The following GPATCH2L variants were observed in gnomAD, a reference collection of about 807,000 sequenced individuals.
The protein encoded by GPATCH2L is G patch domain-containing protein 2-like.
Under a neutral mutation model 57.4 loss-of-function variants are expected in GPATCH2L, and 31 were observed. The observed-to-expected ratio is 0.54, with a 90% confidence interval of 0.41 to 0.73. GPATCH2L has a LOEUF of 0.73. Among genes scored for constraint, GPATCH2L ranks in the 30% least tolerant of loss-of-function variants. GPATCH2L has a pLI of 0.00. For synonymous variants in GPATCH2L, 199 were observed against 210.7 expected, an observed-to-expected ratio of 0.94 and a Z score of 0.48; for missense variants, 481 against 599.9, an observed-to-expected ratio of 0.80 and a Z score of 2.07.
chr14:76,234,700 A>T (rs951346664), intron 2 of GPATCH2L: 1 of 152,532 alleles, frequency 6.6e-6, no homozygotes, highest in East Asian at 1.9e-4. Flanking sequence ...ATCTTTCCTC[A>T]GTTGAGCCTC....
At position 76,230,847 on chromosome 14, in the gene GPATCH2L, C is replaced by A. The variant is rs78983454; in HGVS notation, c.*117+894C>A. ...CACTTGGAGCTTTAATTCCCTCTTA[C>A]CAACATTTGTATTACCCGTTTCATG... On this transcript the variant is annotated intron_variant and NMD_transcript_variant, in intron 2 of 3. Coordinates refer to the GPATCH2L transcript ENST00000556372. 3.9e-3 allele frequency among the ~76,000 whole-genome samples: 594 copies of A among 152,296 alleles called. 2 individuals carry two copies. Among genetic ancestry groups the A allele is most frequent in the Non-Finnish European group, 7.0e-3 (475 of 68,026 alleles).
intron 2 of GPATCH2L, chr14:76,230,501 G>A (rs546633157): frequency 2.8e-4 from 42 of 152,226 alleles, no homozygotes; most frequent in African/African-American, 1.0e-3. Flanking sequence ...ATACCTGCAA[G>A]CCTCTGGGTG....
rs1205091414 is a variant in GPATCH2L at position 76,203,399 on chromosome 14, A to G, written c.*1548A>G. 1 of 152,456 alleles carries G rather than the reference A, an allele frequency of 6.6e-6. No homozygotes were observed. Among genetic ancestry groups the G allele is most frequent in the Non-Finnish European group, 1.5e-5 (1 of 68,138 alleles). The allele number at this position is 152,456 out of a possible 1,614,324, so 9.4% of individuals were successfully genotyped here. On this transcript the variant is annotated 3_prime_UTR_variant, in exon 10 of 10. Coordinates refer to ENST00000261530, the MANE Select transcript of GPATCH2L (RefSeq NM_017926.4). The stretch of plus-strand genomic sequence containing the variant: ...GAAAGTGCTGAAACCAGCCCAGCAG[A>G]CCTGTGAGTCGCCTCTGGTTCTCAC...
intron 8 of GPATCH2L, among the ~76,000 whole-genome samples, chr14:76,182,363 G>GAAA (rs3059799): frequency 0.033 from 2,854 of 85,568 alleles, 232 homozygotes; most frequent in East Asian, 0.19. Context: ...TCTCAGAAAA[G>GAAA]AAAAAAAAAA....
chr14:76,214,216 T>C lies in GPATCH2L; in HGVS notation c.*12365T>C, dbSNP rs8799. Reference sequence around the variant, plus strand: ...AATGTGGTGTCATCCTATCCAAGAATAGGAGATGTATTTCCATTTATTCAA... The same window carrying C: ...AATGTGGTGTCATCCTATCCAAGAACAGGAGATGTATTTCCATTTATTCAA... On this transcript the variant is annotated 3_prime_UTR_variant, in exon 10 of 10. Transcript: ENST00000261530. 25 of 152,208 alleles carry C rather than the reference T, an allele frequency of 1.6e-4. 1 individual carries two copies. The highest frequency in any genetic ancestry group is 3.1e-4 in the Non-Finnish European group (21 of 68,024). The allele number at this position is 152,208 out of a possible 1,614,324, so 9.4% of individuals were successfully genotyped here.
At chr14:76,216,654 A>G (rs1360658559), downstream of GPATCH2L, among the ~76,000 whole-genome samples, 1 of 152,172 alleles carries the variant, frequency 6.6e-6, no homozygotes, top group African/African-American at 2.4e-5. Context: ...CCACAATGCC[A>G]TCAGTTTTTT....
intron 2 of GPATCH2L, among the ~76,000 whole-genome samples, chr14:76,164,463 T>C (rs997715681): frequency 4.6e-5 from 7 of 152,176 alleles, no homozygotes; most frequent in Non-Finnish European, 1.0e-4. Flanking sequence ...GCTGCAAAAT[T>C]GTGTCTAGTT....
intron 1 of GPATCH2L, chr14:76,152,555 C>A: frequency 2.4e-6 from 1 of 423,814 alleles, no homozygotes; most frequent in South Asian, 1.6e-5. Context: ...CCTTCCTGTG[C>A]GTGACTCAGC....
chr14:76,226,617 T>C lies in GPATCH2L; in HGVS notation c.66-3191T>C, dbSNP rs531426426. Among the ~76,000 whole-genome samples the C allele has an allele frequency of 2.0e-5, 3 of 152,332 alleles. 1 individual carries two copies. The South Asian group carries it at 6.2e-4, about 32-fold the overall frequency. On this transcript the variant is annotated intron_variant and NMD_transcript_variant, in intron 1 of 3. Transcript: ENST00000556372. The stretch of plus-strand genomic sequence containing the variant: ...GAGGTGGGACCTAACTGGAGGTGTT[T>C]AGGTCATGAAGGCTTATGAATGAAT...
chr14:76,213,828 C>T lies in GPATCH2L; in HGVS notation c.*11977C>T, dbSNP rs1419505064. 2.0e-5 allele frequency: 3 copies of T among 152,180 alleles called. No homozygotes were observed. The highest frequency in any genetic ancestry group is 4.4e-5 in the Non-Finnish European group (3 of 68,026). 9.4% of individuals were successfully genotyped at this position (152,180 alleles called of 1,614,324 possible). On this transcript the variant is annotated 3_prime_UTR_variant, in exon 10 of 10. Coordinates refer to ENST00000261530, the MANE Select transcript of GPATCH2L (RefSeq NM_017926.4). ...TGAAACTAGGAAATTAACATTGGCA[C>T]AATCCTATTAACTACATACTTTATT...
chr14:76,235,127 C>T (rs1037441001), intron 2 of GPATCH2L, among the ~76,000 whole-genome samples: 15 of 147,138 alleles, frequency 1.0e-4, no homozygotes, highest in South Asian at 4.2e-4. Flanking sequence ...GAGATCACGC[C>T]GTTGCACTCC....
Position 76,225,915 on chromosome 14 carries a change from T to C in GPATCH2L, c.66-3893T>C, listed in dbSNP as rs562045065. Among the ~76,000 whole-genome samples the C allele has an allele frequency of 2.0e-5, 3 of 152,316 alleles. No individual in the cohort carries two copies. In the South Asian group the frequency reaches 6.2e-4, roughly 32 times the overall value. On this transcript the variant is annotated intron_variant and NMD_transcript_variant, in intron 1 of 3. Coordinates refer to the GPATCH2L transcript ENST00000556372. Reference sequence around the variant, plus strand: ...TGCAAATTAAAACCCAATGCGATATTACTACATACTCAACAGAAGGTCTAA... The same window carrying C: ...TGCAAATTAAAACCCAATGCGATATCACTACATACTCAACAGAAGGTCTAA...
At chr14:76,161,589 C>T (rs182469681) in intron 2 of GPATCH2L, among the ~76,000 whole-genome samples, 1 of 152,202 alleles carries the variant, frequency 6.6e-6, no homozygotes, top group East Asian at 1.9e-4. Context: ...GCTTTTTTCC[C>T]ACCCCCTGCT....
intron 1 of GPATCH2L, among the ~76,000 whole-genome samples, chr14:76,219,601 A>G (rs1373901757): frequency 1.3e-5 from 2 of 152,226 alleles, no homozygotes; most frequent in Non-Finnish European, 2.9e-5. Flanking sequence ...ATAAAAATGT[A>G]TAGAAAGATG....
intron 3 of GPATCH2L, among the ~76,000 whole-genome samples, chr14:76,168,923 A>C (rs1594930189): frequency 6.6e-6 from 1 of 152,204 alleles, no homozygotes; most frequent in Non-Finnish European, 1.5e-5. Flanking sequence ...TCCTCTGCTG[A>C]GGGCCACCAC....
At chr14:76,227,841 G>A (rs1338894926) in intron 1 of GPATCH2L, among the ~76,000 whole-genome samples, 1 of 152,120 alleles carries the variant, frequency 6.6e-6, no homozygotes, top group Non-Finnish European at 1.5e-5. Flanking sequence ...CTGCACCACA[G>A]GAATCCTACG....
At chr14:76,197,588 G>C (rs2040195031) in intron 9 of GPATCH2L, among the ~76,000 whole-genome samples, 1 of 152,150 alleles carries the variant, frequency 6.6e-6, no homozygotes, top group Non-Finnish European at 1.5e-5. Flanking sequence ...GACATAGCCT[G>C]AGTCTGAGCC....
Position 76,195,888 on chromosome 14 carries a change from G to A in GPATCH2L, c.1204G>A (p.Val402Ile). Residue 402 changes from valine to isoleucine, a missense_variant, in exon 9 of 10, where the codon GTA (valine) becomes ATA (isoleucine). By Grantham distance (29) the Val-to-Ile change is conservative (BLOSUM62 3). Coordinates refer to ENST00000261530, the MANE Select transcript of GPATCH2L (RefSeq NM_017926.4). ...TTCTTACATCTGCAGACAGGCAAATGTACACTGGGGACCACCATGTTCACG... is the reference window on the plus strand; with the variant it reads ...TTCTTACATCTGCAGACAGGCAAATATACACTGGGGACCACCATGTTCACG... Reference protein sequence around the residue: ...PAHCSARQANVHWGPPCSRDI... With the variant: ...PAHCSARQANIHWGPPCSRDI... 1 of 1,613,292 alleles carries A rather than the reference G, an allele frequency of 6.2e-7. No homozygotes were observed. The highest frequency in any genetic ancestry group is 8.5e-7 in the Non-Finnish European group (1 of 1,179,298).
At chr14:76,161,790 C>T (rs1443607377) in intron 2 of GPATCH2L, among the ~76,000 whole-genome samples, 1 of 152,136 alleles carries the variant, frequency 6.6e-6, no homozygotes, top group African/African-American at 2.4e-5. Context: ...AATCCTAGCA[C>T]TTTGGGAGGC....
Sources: allele counts gnomAD v4.1 joint callset (sites outside exome capture counted in the v4.1 genomes callset), GRCh38; gene constraint gnomAD v4.1.1; transcripts MANE v1.5; gene names NCBI Gene and HGNC (gene_info 2026-07-23, HGNC 2026-07-21).